Variants in UNC5C observed in about 807,000 individuals in gnomAD.
UNC5C encodes netrin receptor UNC5C.
In UNC5C, 47 loss-of-function variants were observed where a neutral mutation model predicts 99.8. That is an observed-to-expected ratio of 0.47 (90% CI 0.37 to 0.60). The LOEUF (loss-of-function observed/expected upper bound fraction) is 0.60, where lower values mean the gene tolerates loss of function less well. Ranked by LOEUF, UNC5C falls within the 20% of genes least tolerant of loss-of-function variation. The pLI is 0.00. For synonymous variants in UNC5C, 487 were observed against 452.2 expected, an observed-to-expected ratio of 1.08 and a Z score of -0.98; for missense variants, 1,062 against 1,165.9, an observed-to-expected ratio of 0.91 and a Z score of 1.30.
At chr4:95,461,503 A>G (rs1338253122) in intron 1 of UNC5C, among the ~76,000 whole-genome samples, 1 of 97,484 alleles carries the variant, frequency 1.0e-5, no homozygotes, top group Non-Finnish European at 2.0e-5. Context: ...AGAATCAAGT[A>G]TTTACACTAA....
At chr4:95,182,789 T>C (rs948417483) in intron 14 of UNC5C, 108 bp downstream of exon 14, 2 of 1,259,436 alleles carry the variant, frequency 1.6e-6, no homozygotes, top group African/African-American at 1.5e-5. Flanking sequence ...TAGAAAGCTT[T>C]TGAGGACTTC....
At chr4:95,244,100 G>C (rs1020858142) in intron 6 of UNC5C, among the ~76,000 whole-genome samples, 1 of 152,130 alleles carries the variant, frequency 6.6e-6, no homozygotes, top group African/African-American at 2.4e-5. Context: ...AAAGATAAAG[G>C]TTAAAGGATA....
At chr4:95,175,065 C>T (rs1463603300) in intron 14 of UNC5C, among the ~76,000 whole-genome samples, 1 of 151,944 alleles carries the variant, frequency 6.6e-6, no homozygotes, top group Non-Finnish European at 1.5e-5. Flanking sequence ...AGGATTGCAA[C>T]CCCTGCCTTT....
intron 3 of UNC5C, among the ~76,000 whole-genome samples, chr4:95,291,347 C>CA (rs1212305543): frequency 2.0e-5 from 3 of 151,650 alleles, no homozygotes; most frequent in African/African-American, 4.8e-5. Context: ...TCTCAGAGTA[C>CA]AAAAAAAAGA....
intron 1 of UNC5C, among the ~76,000 whole-genome samples, chr4:95,544,079 A>G (rs909120834): frequency 6.6e-6 from 1 of 152,228 alleles, no homozygotes; most frequent in African/African-American, 2.4e-5. Flanking sequence ...AAGTCAAGGA[A>G]TAATACTTAT....
chr4:95,189,805 C>A (rs1736995362), intron 12 of UNC5C, among the ~76,000 whole-genome samples: 1 of 152,192 alleles, frequency 6.6e-6, no homozygotes, highest in African/African-American at 2.4e-5. Flanking sequence ...CATCTCACAC[C>A]AGTTAGAATG....
At chr4:95,307,478 A>G (rs1442230344) in intron 2 of UNC5C, among the ~76,000 whole-genome samples, 2 of 152,176 alleles carry the variant, frequency 1.3e-5, no homozygotes, top group Admixed American at 6.5e-5. Flanking sequence ...AATGATCAGT[A>G]AGATGATTAA....
At chr4:95,329,563 T>C (rs532960272) in intron 2 of UNC5C, among the ~76,000 whole-genome samples, 1 of 152,334 alleles carries the variant, frequency 6.6e-6, no homozygotes, top group Non-Finnish European at 1.5e-5. Flanking sequence ...GTTTGGATCC[T>C]GATGACATCT....
intron 1 of UNC5C, among the ~76,000 whole-genome samples, chr4:95,424,524 T>C (rs1056530968): frequency 5.4e-5 from 7 of 129,984 alleles, no homozygotes; most frequent in South Asian, 2.9e-4. Flanking sequence ...TTTTCTTTTT[T>C]TTTTTTTTTT....
At position 95,342,551 on chromosome 4, in the gene UNC5C, A is replaced by G. The variant is rs375748465; in HGVS notation, c.125-6920T>C. Reference sequence around the variant, plus strand: ...GCTGTGGTTCTGGGGTGAGACTCAGAGACGTGCTGGCTTCATATGGCTTCA... The same window carrying G: ...GCTGTGGTTCTGGGGTGAGACTCAGGGACGTGCTGGCTTCATATGGCTTCA... On this transcript the variant is annotated intron_variant, in intron 1 of 15. Coordinates refer to ENST00000453304, the MANE Select transcript of UNC5C (RefSeq NM_003728.4). 3.8e-4 allele frequency among the ~76,000 whole-genome samples: 58 copies of G among 152,112 alleles called. No homozygotes were observed. In the Middle Eastern group the frequency reaches 0.01, roughly 27 times the overall value.
At chr4:95,374,847 A>G (rs564663048) in intron 1 of UNC5C, among the ~76,000 whole-genome samples, 1 of 152,304 alleles carries the variant, frequency 6.6e-6, no homozygotes, top group Admixed American at 6.5e-5. Flanking sequence ...TATGTCATAT[A>G]AAGTAAATAC....
At chr4:95,453,185 G>T (rs1384488942) in intron 1 of UNC5C, among the ~76,000 whole-genome samples, 1 of 152,114 alleles carries the variant, frequency 6.6e-6, no homozygotes, top group Non-Finnish European at 1.5e-5. Context: ...TTTGGGCAAG[G>T]TGCTGGGGGT....
intron 4 of UNC5C, among the ~76,000 whole-genome samples, chr4:95,276,661 C>G (rs114640687): frequency 0.011 from 1,662 of 152,212 alleles, 33 homozygotes; most frequent in East Asian, 0.092. Context: ...GACATATGCA[C>G]TATTGTCATT....
chr4:95,377,543 C>T (rs1264881735), intron 1 of UNC5C, among the ~76,000 whole-genome samples: 2 of 152,166 alleles, frequency 1.3e-5, no homozygotes, highest in Non-Finnish European at 2.9e-5. Context: ...CTTCTCCTAG[C>T]CTATTTTGCT....
intron 4 of UNC5C, among the ~76,000 whole-genome samples, chr4:95,269,338 G>C (rs1740570663): frequency 6.6e-6 from 1 of 152,156 alleles, no homozygotes; most frequent in Non-Finnish European, 1.5e-5. Context: ...ACCCCAGCTG[G>C]AGTGCAGTGG....
At chr4:95,238,039 AATAAATAC>A (rs1413546797) in intron 7 of UNC5C, among the ~76,000 whole-genome samples, 17 of 65,254 alleles carry the variant, frequency 2.6e-4, no homozygotes, top group African/African-American at 8.3e-4. Context: ...TCCGTCTCTA[AATAAATAC>A]ATACATACAT....
rs1048238982 is a variant in UNC5C at position 95,317,459 on chromosome 4, C to A, written c.347-15710G>T. 3.3e-5 allele frequency among the ~76,000 whole-genome samples: 5 copies of A among 150,866 alleles called. No homozygotes were observed. In the South Asian group the frequency reaches 1.0e-3, roughly 31 times the overall value. On this transcript the variant is annotated intron_variant, in intron 2 of 15. Coordinates refer to ENST00000453304, the MANE Select transcript of UNC5C (RefSeq NM_003728.4). ...GCGTGTGTGTGCATGTGTATATGTGCGTGTGTAAAGGAAATTATAAAGTGA... is the reference window on the plus strand; with the variant it reads ...GCGTGTGTGTGCATGTGTATATGTGAGTGTGTAAAGGAAATTATAAAGTGA...
intron 5 of UNC5C, chr4:95,248,355 A>T (rs1056088821): frequency 1.3e-5 from 4 of 312,776 alleles, no homozygotes; most frequent in African/African-American, 4.5e-5. Context: ...ATGCTTATAT[A>T]TTGAATTGGA....
chr4:95,304,966 C>T (rs1011144687), intron 2 of UNC5C, among the ~76,000 whole-genome samples: 6 of 152,284 alleles, frequency 3.9e-5, no homozygotes, highest in East Asian at 1.9e-4. Context: ...TTCTACTGAC[C>T]ACAAATCTGA....
Sources: gnomAD v4.1 joint callset for allele counts (sites outside exome capture counted in the v4.1 genomes callset) on GRCh38, gnomAD v4.1.1 for gene constraint, MANE v1.5 for transcripts, NCBI Gene and HGNC (gene_info 2026-07-23, HGNC 2026-07-21) for gene names.